Variants in SLC28A2 observed in about 807,000 individuals in gnomAD.
The protein encoded by SLC28A2 is sodium/nucleoside cotransporter 2.
Under a neutral mutation model 72.9 loss-of-function variants are expected in SLC28A2, and 69 were observed. The observed-to-expected ratio is 0.95, with a 90% CI of 0.78 to 1.16. SLC28A2 has a LOEUF of 1.16. Ranked by LOEUF, SLC28A2 falls within the 50% of genes most tolerant of loss-of-function variation. The probability of loss-of-function intolerance (pLI) is 0.00; values close to 1 mark genes in which losing one functional copy is unlikely to be tolerated. For missense variants in SLC28A2, 745 were observed against 791.1 expected (o/e 0.94, Z 0.70); for synonymous variants, 296 against 294.1 (o/e 1.01, Z -0.07).
intron 4 of SLC28A2, 135 bp from the exon 5 acceptor site, chr15:45,262,914 GTGCAGTTCTGTC>G: frequency 1.6e-6 from 1 of 626,830 alleles, no homozygotes; most frequent in South Asian, 2.0e-5. Flanking sequence ...GCCTCAAGAA[GTGCAGTTCTGTC>G]TGACAGTAGG....
chr15:45,273,029 T>A (rs769201612), intron 17 of SLC28A2, among the ~76,000 whole-genome samples: 12 of 152,158 alleles, frequency 7.9e-5, no homozygotes, highest in Non-Finnish European at 1.5e-4. Context: ...GTTTCCCTGA[T>A]AAGAAATTAC....
rs1567061551 is a variant in SLC28A2 at position 45,269,384 on chromosome 15, T to C, written c.1415T>C (p.Val472Ala). ...AGGCCCATGGTTTTCATGATGGGTG[T>C]AGAGTGGACAGACTGTCCAATGGTG... ...LLRPMVFMMG[V>A]EWTDCPMVAE... is the part of the protein sequence containing the mutation. The change falls in exon 14 of 18, where the codon GTA (valine) becomes GCA (alanine). Residue 472 changes from valine to alanine, a missense_variant. Coordinates refer to ENST00000347644, the MANE Select transcript of SLC28A2 (RefSeq NM_004212.4). The C allele has an allele frequency of 3.1e-6, 5 of 1,613,900 alleles. No homozygotes were observed. The highest frequency in any genetic ancestry group is 1.1e-5 in the South Asian group (1 of 91,086).
In SLC28A2 at chr15:45,253,474, C is replaced by A; in HGVS notation, c.124C>A (p.Gln42Lys). 1 of 1,613,930 alleles carries A rather than the reference C, an allele frequency of 6.2e-7. No individual in the cohort carries two copies. Among genetic ancestry groups the A allele is most frequent in the Non-Finnish European group, 8.5e-7 (1 of 1,179,832 alleles). ...EPEGSKRTDA[Q>K]GHSLGDGLGP... ...TGAGGGAAGCAAGAGGACTGACGCACAAGGACACAGCCTGGGGGATGGACT... is the reference window on the plus strand; with the variant it reads ...TGAGGGAAGCAAGAGGACTGACGCAAAAGGACACAGCCTGGGGGATGGACT... Residue 42 changes from glutamine to lysine, a missense_variant, in exon 3 of 18, where the codon CAA (glutamine) becomes AAA (lysine). Coordinates refer to ENST00000347644, the MANE Select transcript of SLC28A2 (RefSeq NM_004212.4).
rs1462717238 is a variant in SLC28A2 at position 45,272,311 on chromosome 15, C to T, written c.1665C>T (p.His555=). 4 of 1,613,636 alleles carry T rather than the reference C, an allele frequency of 2.5e-6. No individual in the cohort carries two copies. The highest frequency in any genetic ancestry group is 3.4e-6 in the Non-Finnish European group (4 of 1,179,968). Residue 555 remains histidine (H), a synonymous_variant, in exon 16 of 18, where the codon CAC becomes CAT. Coordinates refer to ENST00000347644, the MANE Select transcript of SLC28A2 (RefSeq NM_004212.4). The part of the protein sequence containing the change: ...TLGGLTSIVP[H]RKSDLSKVVV... ...TGTCTGCAGCATCAATAGTACCTCACCGGAAGAGTGACTTGTCCAAGGTTG... is the reference window on the plus strand; with the variant it reads ...TGTCTGCAGCATCAATAGTACCTCATCGGAAGAGTGACTTGTCCAAGGTTG...
chr15:45,266,233 C>T (rs1369104627), intron 10 of SLC28A2, 72 bp downstream of exon 10: 6 of 1,098,588 alleles, frequency 5.5e-6, no homozygotes, highest in African/African-American at 4.6e-5. Flanking sequence ...CAAGAGTATG[C>T]TTTCCTTCTG....
intron 14 of SLC28A2, among the ~76,000 whole-genome samples, chr15:45,269,892 T>A (rs558916221): frequency 6.6e-6 from 1 of 152,166 alleles, no homozygotes; most frequent in Non-Finnish European, 1.5e-5. Context: ...TGCTCCAAAT[T>A]AATATTCTTT....
intron 4 of SLC28A2, 129 bp downstream of exon 4, chr15:45,262,235 T>C (rs570626052): frequency 1.6e-6 from 1 of 644,362 alleles, no homozygotes; most frequent in South Asian, 1.8e-5. Context: ...GATGTATCAA[T>C]CTTAACTACT....
intron 5 of SLC28A2, 93 bp downstream of exon 5, chr15:45,263,337 T>C (rs1390448385): frequency 2.4e-6 from 3 of 1,245,750 alleles, no homozygotes; most frequent in East Asian, 4.8e-5. Flanking sequence ...CTCTCAGACC[T>C]GCACATAGGC....
chr15:45,276,398 T>A lies in SLC28A2; in HGVS notation c.*885T>A, dbSNP rs978635802. The A allele has an allele frequency of 1.3e-5, 2 of 151,962 alleles. No homozygotes were observed. Among genetic ancestry groups the A allele is most frequent in the African/African-American group, 4.8e-5 (2 of 41,336 alleles). 9.4% of individuals were successfully genotyped at this position (151,962 alleles called of 1,614,324 possible). ...TAATGCTAAATGACGAGTTAATGGG[T>A]GCAGCACACTAGCATGGCACATGTA... On this transcript the variant is annotated 3_prime_UTR_variant, in exon 18 of 18. Transcript: ENST00000347644.
In SLC28A2 at chr15:45,266,161, G is replaced by C; in HGVS notation, c.942G>C (p.Met314Ile). The C allele has an allele frequency of 6.2e-7, 1 of 1,609,404 alleles. No individual in the cohort carries two copies. Among genetic ancestry groups the C allele is most frequent in the East Asian group, 2.2e-5 (1 of 44,868 alleles). ...LAVAGNIFVG[M>I]TEAPLLIRPY... The stretch of plus-strand genomic sequence containing the variant: ...TGGCAGGAAACATCTTTGTGGGTAT[G>C]GTAAGCACCTTGAGGACTTTTGGTC... Residue 314 changes from methionine (M) to isoleucine (I), a missense_variant and splice_region_variant, in exon 10 of 18, where the codon ATG (methionine) becomes ATC (isoleucine). Coordinates refer to ENST00000347644, the MANE Select transcript of SLC28A2 (RefSeq NM_004212.4).
At chr15:45,252,414 G>A (rs1313731364) in intron 1 of SLC28A2, 136 bp downstream of exon 1, 2 of 390,718 alleles carry the variant, frequency 5.1e-6, no homozygotes, top group Non-Finnish European at 1.0e-5. Context: ...GGTTATGTGT[G>A]TTTAATGAAA....
chr15:45,275,736 C>A lies in SLC28A2; in HGVS notation c.*223C>A, dbSNP rs1900735873. 1 of 410,098 alleles carries A rather than the reference C, an allele frequency of 2.4e-6. No homozygotes were observed. Among genetic ancestry groups the A allele is most frequent in the East Asian group, 4.7e-5 (1 of 21,446 alleles). The allele number at this position is 410,098 out of a possible 1,614,324, so 25.4% of individuals were successfully genotyped here. ...GGATCACAAGGTCAGGAGATCGAGACCATCCTGGCTAACACAGTGAAACCC... is the reference window on the plus strand; with the variant it reads ...GGATCACAAGGTCAGGAGATCGAGAACATCCTGGCTAACACAGTGAAACCC... On this transcript the variant is annotated 3_prime_UTR_variant, in exon 18 of 18. Coordinates refer to ENST00000347644, the MANE Select transcript of SLC28A2 (RefSeq NM_004212.4).
At chr15:45,261,199 T>C (rs1459072773) in intron 3 of SLC28A2, among the ~76,000 whole-genome samples, 1 of 152,196 alleles carries the variant, frequency 6.6e-6, no homozygotes, top group African/African-American at 2.4e-5. Flanking sequence ...ATGCTGAGCA[T>C]ACTTAGGAGT....
intron 6 of SLC28A2, 129 bp from the exon 7 acceptor site, chr15:45,264,526 C>T: frequency 1.5e-6 from 1 of 653,644 alleles, no homozygotes; most frequent in South Asian, 1.8e-5. Context: ...CCCCTGCTCC[C>T]TATGCCATCA....
At chr15:45,275,258 G>A (rs904000891) in intron 17 of SLC28A2, 138 bp from the exon 18 acceptor site, 151 of 637,354 alleles carry the variant, frequency 2.4e-4, no homozygotes, top group Middle Eastern at 5.2e-4. Context: ...ACATAATTGG[G>A]TTCTATTTGG....
intron 3 of SLC28A2, chr15:45,255,813 G>A (rs1404100260): frequency 2.6e-5 from 4 of 152,094 alleles, no homozygotes; most frequent in Admixed American, 1.3e-4. Flanking sequence ...TATTACCTTT[G>A]TCTTTAATGT....
At chr15:45,262,141 C>T in intron 4 of SLC28A2, 35 bp downstream of exon 4, 1 of 1,467,098 alleles carries the variant, frequency 6.8e-7, no homozygotes, top group Non-Finnish European at 9.5e-7. Context: ...GTGAGAAACA[C>T]AGTTATTTTA....
intron 3 of SLC28A2, 57 bp downstream of exon 3, chr15:45,253,577 T>C: frequency 9.2e-7 from 1 of 1,090,538 alleles, no homozygotes; most frequent in East Asian, 2.4e-5. Flanking sequence ...GGGCTGCCCC[T>C]TCAGGCAGCT....
chr15:45,266,563 C>T (rs1021984830), intron 10 of SLC28A2, among the ~76,000 whole-genome samples: 17 of 152,170 alleles, frequency 1.1e-4, no homozygotes, highest in Admixed American at 9.8e-4. Context: ...TCTTGCTCAT[C>T]GCTAACGCCC....
Sources: allele counts gnomAD v4.1 joint callset (sites outside exome capture counted in the v4.1 genomes callset), GRCh38; gene constraint gnomAD v4.1.1; transcripts MANE v1.5; gene names NCBI Gene and HGNC (gene_info 2026-07-23, HGNC 2026-07-21).